ZNF385D: variants seen among roughly 807,000 people sequenced by gnomAD.
ZNF385D encodes zinc finger protein 385D.
Under a neutral mutation model 35.8 loss-of-function variants are expected in ZNF385D, and 15 were observed. The ratio of observed to expected loss-of-function variants is 0.42; its 90% CI spans 0.28 to 0.64. The LOEUF (loss-of-function observed/expected upper bound fraction) is 0.64, where lower values mean the gene tolerates loss of function less well. Ranked by LOEUF, ZNF385D falls within the 30% of genes least tolerant of loss-of-function variation. ZNF385D has a pLI of 0.23. For missense variants in ZNF385D, 474 were observed against 494.6 expected, an observed-to-expected ratio of 0.96 and a Z score of 0.39; for synonymous variants, 212 against 186.8, an observed-to-expected ratio of 1.13 and a Z score of -1.10.
At chr3:22,087,856 A>T (rs1180626501) in intron 3 of ZNF385D, among the ~76,000 whole-genome samples, 1 of 152,210 alleles carries the variant, frequency 6.6e-6, no homozygotes, top group Non-Finnish European at 1.5e-5. Context: ...ATTATCCAAA[A>T]GCCTGTATTA....
intron 2 of ZNF385D, among the ~76,000 whole-genome samples, chr3:22,285,878 G>T (rs1392518448): frequency 1.3e-5 from 2 of 152,042 alleles, no homozygotes; most frequent in Non-Finnish European, 2.9e-5. Flanking sequence ...TCCTTAAAAA[G>T]TATTTACTAT....
chr3:21,610,632 A>G (rs1202623230), intron 2 of ZNF385D, among the ~76,000 whole-genome samples: 1 of 151,960 alleles, frequency 6.6e-6, no homozygotes, highest in Non-Finnish European at 1.5e-5. Context: ...AAAATTAGCC[A>G]GGTATGGTGG....
At chr3:21,444,593 G>A (rs1480931363) in intron 4 of ZNF385D, among the ~76,000 whole-genome samples, 4 of 151,702 alleles carry the variant, frequency 2.6e-5, no homozygotes, top group Non-Finnish European at 5.9e-5. Flanking sequence ...CACCACGTTG[G>A]CCAGGCTGGT....
intron 2 of ZNF385D, among the ~76,000 whole-genome samples, chr3:22,323,179 A>C (rs1694522101): frequency 6.6e-6 from 1 of 152,088 alleles, no homozygotes; most frequent in Admixed American, 6.5e-5. Context: ...TTGCACAAAG[A>C]TTTTTGAGTT....
intron 3 of ZNF385D, among the ~76,000 whole-genome samples, chr3:21,924,475 G>C (rs964295544): frequency 6.6e-6 from 1 of 152,172 alleles, no homozygotes; most frequent in Non-Finnish European, 1.5e-5. Flanking sequence ...AAAACTTTTA[G>C]ACAGTAACTG....
intron 4 of ZNF385D, among the ~76,000 whole-genome samples, chr3:21,463,470 G>A (rs1575191155): frequency 6.6e-6 from 1 of 152,302 alleles, no homozygotes. Flanking sequence ...AGAGCTCAGC[G>A]GTTGAGCCCC....
At chr3:22,041,700 T>A (rs1698672094) in intron 3 of ZNF385D, among the ~76,000 whole-genome samples, 1 of 152,096 alleles carries the variant, frequency 6.6e-6, no homozygotes, top group Non-Finnish European at 1.5e-5. Context: ...CTTAACTGAT[T>A]ACACCTGAAA....
chr3:22,064,057 A>G (rs1000577251), intron 3 of ZNF385D, among the ~76,000 whole-genome samples: 1 of 152,192 alleles, frequency 6.6e-6, no homozygotes, highest in Admixed American at 6.5e-5. Context: ...ATTGTAGTGC[A>G]CCTCATGCTT....
At chr3:22,083,990 T>C (rs1197207255) in intron 3 of ZNF385D, among the ~76,000 whole-genome samples, 2 of 152,284 alleles carry the variant, frequency 1.3e-5, no homozygotes, top group South Asian at 2.1e-4. Context: ...CTAAGCTTCA[T>C]ACGTGAAGGA....
chr3:21,831,908 CATATTT>C (rs1695014537), intron 3 of ZNF385D, among the ~76,000 whole-genome samples: 2 of 152,192 alleles, frequency 1.3e-5, no homozygotes, highest in South Asian at 4.1e-4. Context: ...AGCTTAGAGA[CATATTT>C]ATACTTAAAC....
At chr3:21,620,477 C>A (rs2064972148) in intron 2 of ZNF385D, among the ~76,000 whole-genome samples, 4 of 152,080 alleles carry the variant, frequency 2.6e-5, no homozygotes, top group Admixed American at 2.6e-4. Context: ...AATAAAGCAC[C>A]ATTTTATACC....
intron 3 of ZNF385D, among the ~76,000 whole-genome samples, chr3:21,559,040 CTTTAT>C (rs1306821925): frequency 6.7e-6 from 1 of 150,130 alleles, no homozygotes; most frequent in Non-Finnish European, 1.5e-5. Context: ...TCCTCCTACC[CTTTAT>C]TTTGAGCTTA....
chr3:21,910,613 T>A (rs1234703778), intron 3 of ZNF385D, among the ~76,000 whole-genome samples: 2 of 151,918 alleles, frequency 1.3e-5, no homozygotes, highest in Non-Finnish European at 2.9e-5. Flanking sequence ...CAGAGACCTA[T>A]AATCGTTGTA....
At chr3:22,163,965 T>C (rs1485032651) in intron 3 of ZNF385D, among the ~76,000 whole-genome samples, 2 of 152,246 alleles carry the variant, frequency 1.3e-5, no homozygotes, top group African/African-American at 4.8e-5. Flanking sequence ...TAGCTAGGTT[T>C]CTGTGTAGGT....
chr3:22,030,270 T>TACATAC (rs1374204561), intron 3 of ZNF385D, among the ~76,000 whole-genome samples: 4 of 81,180 alleles, frequency 4.9e-5, no homozygotes, highest in East Asian at 4.3e-4. Flanking sequence ...TATATATATA[T>TACATAC]ATATATATAT....
At chr3:21,799,821 T>C (rs1029377924) in intron 3 of ZNF385D, among the ~76,000 whole-genome samples, 2 of 152,162 alleles carry the variant, frequency 1.3e-5, no homozygotes, top group African/African-American at 4.8e-5. Context: ...TAAAAATTCA[T>C]TGCCATATCT....
chr3:22,212,084 T>C (rs1697559178), intron 2 of ZNF385D, among the ~76,000 whole-genome samples: 1 of 151,982 alleles, frequency 6.6e-6, no homozygotes, highest in African/African-American at 2.4e-5. Context: ...CACCAGTATG[T>C]TTAGCTTTTT....
intron 3 of ZNF385D, among the ~76,000 whole-genome samples, chr3:21,757,436 C>T (rs570328138): frequency 6.6e-6 from 1 of 152,200 alleles, no homozygotes; most frequent in African/African-American, 2.4e-5. Flanking sequence ...AGCCACCACA[C>T]CTGGCCTAAA....
chr3:21,587,454 T>G (rs1389573819), intron 2 of ZNF385D, among the ~76,000 whole-genome samples: 1 of 152,194 alleles, frequency 6.6e-6, no homozygotes, highest in African/African-American at 2.4e-5. Context: ...AGGCTCATTC[T>G]TCTCATTTGG....
Sources: allele counts gnomAD v4.1 joint callset (sites outside exome capture counted in the v4.1 genomes callset), GRCh38; gene constraint gnomAD v4.1.1; transcripts MANE v1.5; gene names NCBI Gene and HGNC (gene_info 2026-07-23, HGNC 2026-07-21).